SH3RF3: variants seen among roughly 807,000 people sequenced by gnomAD.
SH3RF3 encodes the protein E3 ubiquitin-protein ligase SH3RF3.
In SH3RF3, 29 loss-of-function variants were observed where a neutral mutation model predicts 66.3. That is an observed-to-expected ratio of 0.44 (90% CI 0.33 to 0.60). The LOEUF (loss-of-function observed/expected upper bound fraction) is 0.60. SH3RF3 is among the 20% of genes least tolerant of loss of function. The pLI, the probability that SH3RF3 is intolerant of heterozygous loss-of-function variation, is 0.04. For missense variants in SH3RF3, 1,194 were observed against 1,190.9 expected (o/e 1.00, Z -0.04); for synonymous variants, 583 against 532.0 (o/e 1.10, Z -1.32).
intron 5 of SH3RF3, among the ~76,000 whole-genome samples, chr2:109,426,409 GAGTGGTTGGTTCA>G (rs1677029385): frequency 6.6e-6 from 1 of 152,216 alleles, no homozygotes; most frequent in Non-Finnish European, 1.5e-5. Flanking sequence ...GGATGACTTT[GAGTGGTTGGTTCA>G]AGACTTCAGT....
At chr2:109,246,428 C>T (rs989672025) in intron 1 of SH3RF3, among the ~76,000 whole-genome samples, 5 of 152,164 alleles carry the variant, frequency 3.3e-5, no homozygotes, top group South Asian at 4.1e-4. Flanking sequence ...TCCACCCTCA[C>T]GATCCGGTCA....
At chr2:109,383,978 TC>T (rs1367106495) in intron 3 of SH3RF3, among the ~76,000 whole-genome samples, 1 of 152,204 alleles carries the variant, frequency 6.6e-6, no homozygotes, top group African/African-American at 2.4e-5. Context: ...CACAAACAGT[TC>T]CTTCAGGGCT....
At chr2:109,392,036 G>A (rs947042295) in intron 3 of SH3RF3, among the ~76,000 whole-genome samples, 14 of 151,890 alleles carry the variant, frequency 9.2e-5, no homozygotes, top group African/African-American at 2.7e-4. Flanking sequence ...GGCTGATCTC[G>A]AACTCCTGGA....
intron 1 of SH3RF3, among the ~76,000 whole-genome samples, chr2:109,336,005 A>G: frequency 6.6e-6 from 1 of 152,206 alleles, no homozygotes; most frequent in East Asian, 1.9e-4. Flanking sequence ...GGGCTGATTT[A>G]AGTGACTGGC....
intron 1 of SH3RF3, among the ~76,000 whole-genome samples, chr2:109,324,043 A>G (rs577396742): frequency 1.3e-5 from 2 of 152,320 alleles, no homozygotes; most frequent in Admixed American, 6.5e-5. Flanking sequence ...GGACATTTCT[A>G]TGAATGGAAG....
intron 5 of SH3RF3, among the ~76,000 whole-genome samples, chr2:109,426,352 A>G (rs539363835): frequency 2.0e-5 from 3 of 152,358 alleles, no homozygotes; most frequent in African/African-American, 7.2e-5. Context: ...GGAGGTCAAA[A>G]TATCAACATT....
intron 9 of SH3RF3, among the ~76,000 whole-genome samples, chr2:109,493,342 T>TA (rs1457735823): frequency 7.8e-6 from 1 of 129,012 alleles, no homozygotes; most frequent in African/African-American, 2.9e-5. Flanking sequence ...ACACCCCACA[T>TA]ACGTCATACA....
intron 1 of SH3RF3, among the ~76,000 whole-genome samples, chr2:109,141,312 T>C (rs141850446): frequency 1.3e-3 from 198 of 152,324 alleles, no homozygotes; most frequent in African/African-American, 4.6e-3. Flanking sequence ...CAGTTGCCAC[T>C]GGCTGGCTTT....
chr2:109,465,868 A>G (rs1678327583), intron 8 of SH3RF3, among the ~76,000 whole-genome samples: 2 of 152,086 alleles, frequency 1.3e-5, no homozygotes, highest in South Asian at 4.1e-4. Context: ...CACCAAGGAG[A>G]CGGTGTTAAA....
chr2:109,256,008 G>A (rs1305787760), intron 1 of SH3RF3, among the ~76,000 whole-genome samples: 1 of 152,168 alleles, frequency 6.6e-6, no homozygotes, highest in Non-Finnish European at 1.5e-5. Flanking sequence ...GTGCTTGTAT[G>A]TAAATGTACA....
chr2:109,296,716 C>A (rs1465982813), intron 1 of SH3RF3, among the ~76,000 whole-genome samples: 1 of 152,096 alleles, frequency 6.6e-6, no homozygotes, highest in Admixed American at 6.5e-5. Context: ...TCTGCAGAGT[C>A]CCCTGTGAGG....
chr2:109,317,351 C>T (rs536876166), intron 1 of SH3RF3, among the ~76,000 whole-genome samples: 94 of 152,210 alleles, frequency 6.2e-4, no homozygotes, highest in African/African-American at 2.2e-3. Flanking sequence ...GGGCAGGTGC[C>T]GCCCCAGCCC....
chr2:109,431,965 G>A (rs1277509474), intron 5 of SH3RF3, among the ~76,000 whole-genome samples: 1 of 152,184 alleles, frequency 6.6e-6, no homozygotes, highest in East Asian at 1.9e-4. Flanking sequence ...CCCTTAAAAA[G>A]GGCCTCTGAG....
intron 8 of SH3RF3, among the ~76,000 whole-genome samples, chr2:109,479,932 G>A (rs1450308063): frequency 4.6e-5 from 7 of 152,208 alleles, no homozygotes; most frequent in Admixed American, 2.0e-4. Flanking sequence ...AGCCCAGCCC[G>A]GTTTTGCTGA....
At chr2:109,287,877 T>C in intron 1 of SH3RF3, among the ~76,000 whole-genome samples, 1 of 152,234 alleles carries the variant, frequency 6.6e-6, no homozygotes, top group East Asian at 1.9e-4. Flanking sequence ...GTTTTTCTTT[T>C]GCTAACTCCC....
At chr2:109,424,372 T>G (rs563529094) in intron 5 of SH3RF3, among the ~76,000 whole-genome samples, 2 of 152,332 alleles carry the variant, frequency 1.3e-5, no homozygotes, top group East Asian at 3.9e-4. Flanking sequence ...AGGCTGGGCA[T>G]CCCTGGACCC....
chr2:109,375,906 G>A (rs763574604), intron 3 of SH3RF3, among the ~76,000 whole-genome samples: 15 of 152,222 alleles, frequency 9.9e-5, no homozygotes, highest in Non-Finnish European at 1.8e-4. Flanking sequence ...AGACCTGGCT[G>A]GGCCCAGCTT....
chr2:109,471,191 C>T (rs572765066), intron 8 of SH3RF3, among the ~76,000 whole-genome samples: 7 of 123,274 alleles, frequency 5.7e-5, no homozygotes, highest in South Asian at 2.6e-4. Flanking sequence ...CCAGCCTGGG[C>T]GACAGACTCT....
intron 1 of SH3RF3, among the ~76,000 whole-genome samples, chr2:109,266,333 T>A (rs1680493743): frequency 6.6e-6 from 1 of 151,820 alleles, no homozygotes; most frequent in Non-Finnish European, 1.5e-5. Context: ...GTGTGTGTTG[T>A]GTGTGTATGT....
Sources: gnomAD v4.1 joint callset for allele counts (sites outside exome capture counted in the v4.1 genomes callset) on GRCh38, gnomAD v4.1.1 for gene constraint, MANE v1.5 for transcripts, NCBI Gene and HGNC (gene_info 2026-07-23, HGNC 2026-07-21) for gene names.